The following SERP2 variants were observed in gnomAD, a reference collection of about 807,000 sequenced individuals.
SERP2 encodes stress associated endoplasmic reticulum protein family member 2.
Under a neutral mutation model 9.1 loss-of-function variants are expected in SERP2, and 6 were observed. The ratio of observed to expected loss-of-function variants is 0.66; its 90% confidence interval spans 0.36 to 1.30. The LOEUF is 1.30. Ranked by LOEUF, SERP2 falls within the 50% of genes most tolerant of loss-of-function variation. The pLI, the probability that SERP2 is intolerant of heterozygous loss-of-function variation, is 0.03. For missense variants in SERP2, 58 were observed against 81.9 expected (o/e 0.71, Z 1.13); for synonymous variants, 37 against 27.3 (o/e 1.35, Z -1.10).
chr13:44,374,802 G>T (rs1445354875), intron 1 of SERP2, among the ~76,000 whole-genome samples: 1 of 151,990 alleles, frequency 6.6e-6, no homozygotes, highest in East Asian at 1.9e-4. Flanking sequence ...ACCTCCCTCA[G>T]CCCCTAGGCT....
chr13:44,385,530 TA>T (rs1457158255), intron 2 of SERP2, among the ~76,000 whole-genome samples: 1 of 152,196 alleles, frequency 6.6e-6, no homozygotes, highest in Non-Finnish European at 1.5e-5. Context: ...GGAGGTTATC[TA>T]AATACATCCT....
chr13:44,392,925 T>C (rs1872865450), intron 2 of SERP2, among the ~76,000 whole-genome samples: 1 of 152,184 alleles, frequency 6.6e-6, no homozygotes, highest in African/African-American at 2.4e-5. Context: ...TCAGCGCTTA[T>C]GTTTAATGGT....
intron 2 of SERP2, among the ~76,000 whole-genome samples, chr13:44,388,678 GC>G (rs1471142528): frequency 6.6e-6 from 1 of 152,196 alleles, no homozygotes; most frequent in African/African-American, 2.4e-5. Flanking sequence ...GCTGCGGGTT[GC>G]GGGAGGGGAG....
chr13:44,385,178 G>A (rs1872243313), intron 2 of SERP2, among the ~76,000 whole-genome samples: 1 of 152,194 alleles, frequency 6.6e-6, no homozygotes, highest in Non-Finnish European at 1.5e-5. Context: ...AGACAGTTGT[G>A]GGTCACTGCC....
intron 1 of SERP2, among the ~76,000 whole-genome samples, chr13:44,378,547 G>T (rs1211074148): frequency 6.6e-6 from 1 of 152,166 alleles, no homozygotes; most frequent in Non-Finnish European, 1.5e-5. Context: ...CAATACTTGT[G>T]AACATTCCAC....
chr13:44,393,984 G>C (rs1010902542), intron 2 of SERP2, among the ~76,000 whole-genome samples: 5 of 152,146 alleles, frequency 3.3e-5, no homozygotes, highest in Non-Finnish European at 5.9e-5. Flanking sequence ...GTTAAGGATC[G>C]CTGGACTCTT....
intron 1 of SERP2, among the ~76,000 whole-genome samples, chr13:44,379,120 T>C (rs940776503): frequency 3.3e-5 from 5 of 152,218 alleles, no homozygotes; most frequent in Non-Finnish European, 5.9e-5. Flanking sequence ...ATGCAAAAAC[T>C]AAATATTGAA....
At chr13:44,385,739 G>A (rs1176922914) in intron 2 of SERP2, among the ~76,000 whole-genome samples, 5 of 152,078 alleles carry the variant, frequency 3.3e-5, no homozygotes, top group Non-Finnish European at 7.4e-5. Flanking sequence ...ATTTACTCTT[G>A]GTATTGATTC....
intron 2 of SERP2, among the ~76,000 whole-genome samples, chr13:44,380,893 G>A (rs1871931557): frequency 6.6e-6 from 1 of 152,146 alleles, no homozygotes; most frequent in Non-Finnish European, 1.5e-5. Flanking sequence ...TGTCTTCTCA[G>A]TTGTTCAGAT....
At chr13:44,388,895 C>G (rs1872478989) in intron 2 of SERP2, among the ~76,000 whole-genome samples, 1 of 152,202 alleles carries the variant, frequency 6.6e-6, no homozygotes, top group East Asian at 1.9e-4. Flanking sequence ...TTCCCCAGGA[C>G]TGGCTGTTCT....
chr13:44,396,412 G>A (rs1873105430), intron 2 of SERP2, among the ~76,000 whole-genome samples: 1 of 146,858 alleles, frequency 6.8e-6, no homozygotes. Flanking sequence ...ATGGTTAGAT[G>A]AGATGATACC....
intron 2 of SERP2, among the ~76,000 whole-genome samples, chr13:44,385,605 T>C (rs1049904176): frequency 6.6e-6 from 1 of 152,194 alleles, no homozygotes; most frequent in Non-Finnish European, 1.5e-5. Flanking sequence ...AGGGACTGCT[T>C]TGAAAACTGA....
chr13:44,380,418 G>A (rs1348292594), intron 2 of SERP2, among the ~76,000 whole-genome samples: 1 of 152,106 alleles, frequency 6.6e-6, no homozygotes, highest in Non-Finnish European at 1.5e-5. Context: ...GTTACTGAGG[G>A]CAGGGAGGCA....
At chr13:44,395,886 G>A in intron 2 of SERP2, 1 of 452,970 alleles carries the variant, frequency 2.2e-6, no homozygotes, top group South Asian at 1.6e-5. Flanking sequence ...AGAAGAAAGA[G>A]ACCCAAAAAA....
intron 2 of SERP2, among the ~76,000 whole-genome samples, chr13:44,387,959 T>C (rs1872411328): frequency 6.6e-6 from 1 of 152,234 alleles, no homozygotes; most frequent in Non-Finnish European, 1.5e-5. Context: ...GCCTGGCTAT[T>C]CTTGAAACTG....
At chr13:44,388,504 T>C (rs895420750) in intron 2 of SERP2, among the ~76,000 whole-genome samples, 1 of 152,254 alleles carries the variant, frequency 6.6e-6, no homozygotes, top group Non-Finnish European at 1.5e-5. Flanking sequence ...GCTCCAGGGC[T>C]GGCCTCTGTT....
At chr13:44,393,072 C>T (rs1872878291) in intron 2 of SERP2, among the ~76,000 whole-genome samples, 1 of 151,922 alleles carries the variant, frequency 6.6e-6, no homozygotes. Flanking sequence ...CGGGGGTGAG[C>T]AGGGGGTAAG....
chr13:44,376,916 A>T (rs1871690421), intron 1 of SERP2, among the ~76,000 whole-genome samples: 1 of 152,224 alleles, frequency 6.6e-6, no homozygotes, highest in Admixed American at 6.5e-5. Flanking sequence ...CCATTCCCTG[A>T]CATTTTTGGA....
intron 2 of SERP2, chr13:44,395,975 TG>T (rs1324697703): frequency 2.5e-6 from 1 of 394,442 alleles, no homozygotes; most frequent in Non-Finnish European, 5.1e-6. Flanking sequence ...CAGCCTCCTC[TG>T]TAATGAGATC....
Sources: gnomAD v4.1 joint callset for allele counts (sites outside exome capture counted in the v4.1 genomes callset) on GRCh38, gnomAD v4.1.1 for gene constraint, MANE v1.5 for transcripts, NCBI Gene and HGNC (gene_info 2026-07-23, HGNC 2026-07-21) for gene names.